Variants in ANO4 observed in about 807,000 individuals in gnomAD.
ANO4 encodes anoctamin-4.
Under a neutral mutation model 141.9 loss-of-function variants are expected in ANO4, and 69 were observed. The observed-to-expected ratio is 0.49, with a 90% confidence interval of 0.40 to 0.59. The LOEUF (loss-of-function observed/expected upper bound fraction) is 0.59. ANO4 is among the 20% of genes least tolerant of loss of function. The pLI is 0.00. For synonymous variants in ANO4, 350 were observed against 394.3 expected, an observed-to-expected ratio of 0.89 and a Z score of 1.33; for missense variants, 894 against 1,162.2, an observed-to-expected ratio of 0.77 and a Z score of 3.36.
intron 5 of ANO4, among the ~76,000 whole-genome samples, chr12:100,960,381 G>A (rs779902154): frequency 6.6e-6 from 1 of 152,036 alleles, no homozygotes; most frequent in Non-Finnish European, 1.5e-5. Flanking sequence ...AAAATCATAA[G>A]AGCCCCATTT....
intron 1 of ANO4, among the ~76,000 whole-genome samples, chr12:100,721,181 C>T (rs1753704211): frequency 6.6e-6 from 1 of 152,160 alleles, no homozygotes; most frequent in African/African-American, 2.4e-5. Flanking sequence ...CAAAACAACC[C>T]CCATCTTCCT....
intron 2 of ANO4, among the ~76,000 whole-genome samples, chr12:100,909,450 A>T (rs2041003007): frequency 6.6e-6 from 1 of 152,206 alleles, no homozygotes; most frequent in Non-Finnish European, 1.5e-5. Context: ...CTTCCCCAAA[A>T]GGAAATAGAG....
chr12:100,801,909 A>G (rs2034720779), intron 1 of ANO4, among the ~76,000 whole-genome samples: 1 of 152,188 alleles, frequency 6.6e-6, no homozygotes, highest in Admixed American at 6.5e-5. Flanking sequence ...TTTGTTTGGA[A>G]TCTCTTCTCA....
chr12:100,850,858 A>G (rs1023108553), intron 1 of ANO4, among the ~76,000 whole-genome samples: 3 of 152,130 alleles, frequency 2.0e-5, no homozygotes, highest in Non-Finnish European at 2.9e-5. Context: ...AGCATCCTGA[A>G]TTTTCAACTA....
At chr12:100,878,822 A>G (rs1230697202) in intron 1 of ANO4, among the ~76,000 whole-genome samples, 1 of 152,142 alleles carries the variant, frequency 6.6e-6, no homozygotes, top group African/African-American at 2.4e-5. Context: ...AAACATGGCA[A>G]ATTAACCACT....
At chr12:101,067,338 T>C (rs1327054221) in intron 14 of ANO4, among the ~76,000 whole-genome samples, 1 of 152,216 alleles carries the variant, frequency 6.6e-6, no homozygotes, top group East Asian at 1.9e-4. Context: ...TTCTTTCCAA[T>C]GTCAGTAGAA....
At chr12:100,862,570 C>T (rs2135895075) in intron 1 of ANO4, among the ~76,000 whole-genome samples, 1 of 152,304 alleles carries the variant, frequency 6.6e-6, no homozygotes, top group Middle Eastern at 3.4e-3. Flanking sequence ...GATTTGCCCA[C>T]CTCAGCCTCC....
intron 1 of ANO4, among the ~76,000 whole-genome samples, chr12:100,732,112 G>A (rs2031403562): frequency 6.6e-6 from 1 of 152,186 alleles, no homozygotes; most frequent in African/African-American, 2.4e-5. Context: ...ATACCAAGGG[G>A]TGTGATTGCT....
intron 1 of ANO4, among the ~76,000 whole-genome samples, chr12:100,859,974 T>C (rs2038386648): frequency 6.6e-6 from 1 of 152,232 alleles, no homozygotes; most frequent in African/African-American, 2.4e-5. Context: ...AAATTCTCTT[T>C]GTACAATCAC....
intron 8 of ANO4, among the ~76,000 whole-genome samples, chr12:101,007,591 G>T (rs1366765985): frequency 6.6e-6 from 1 of 152,062 alleles, no homozygotes; most frequent in African/African-American, 2.4e-5. Context: ...TTCTAACCCA[G>T]GTTTGTTTTT....
intron 7 of ANO4, among the ~76,000 whole-genome samples, chr12:100,976,328 G>A (rs76018262): frequency 0.029 from 4,380 of 152,268 alleles, 212 homozygotes; most frequent in African/African-American, 0.1. Flanking sequence ...GTGAAGTACA[G>A]TGTGAGAACT....
chr12:100,834,764 A>G (rs919654540), intron 1 of ANO4, among the ~76,000 whole-genome samples: 1 of 152,146 alleles, frequency 6.6e-6, no homozygotes, highest in East Asian at 1.9e-4. Context: ...GAAGTTTTAA[A>G]AAGTGATTGG....
chr12:100,991,513 T>TAAAAAAAAA (rs59975425), intron 8 of ANO4, among the ~76,000 whole-genome samples: 4 of 111,154 alleles, frequency 3.6e-5, no homozygotes, highest in Non-Finnish European at 5.3e-5. Context: ...ATGAAAATAG[T>TAAAAAAAAA]AAAAAAAAAA....
At chr12:100,934,942 G>C (rs1426334996) in intron 3 of ANO4, among the ~76,000 whole-genome samples, 3 of 152,184 alleles carry the variant, frequency 2.0e-5, no homozygotes, top group Admixed American at 6.5e-5. Context: ...CATTGATTTT[G>C]TATCCTGAGG....
intron 14 of ANO4, among the ~76,000 whole-genome samples, chr12:101,074,453 T>C (rs533207165): frequency 6.6e-6 from 1 of 152,352 alleles, no homozygotes; most frequent in Admixed American, 6.5e-5. Context: ...TCATATCACC[T>C]GTGCTCATAT....
chr12:100,898,325 A>G (rs1565984599), intron 1 of ANO4, among the ~76,000 whole-genome samples: 1 of 152,118 alleles, frequency 6.6e-6, no homozygotes, highest in Non-Finnish European at 1.5e-5. Context: ...CCCAGAGTAT[A>G]TTTTCTATCT....
chr12:101,064,857 T>A (rs1375425209), intron 14 of ANO4, among the ~76,000 whole-genome samples: 1 of 152,144 alleles, frequency 6.6e-6, no homozygotes, highest in Non-Finnish European at 1.5e-5. Flanking sequence ...AAATCTCACA[T>A]TGTCCTGCTC....
intron 14 of ANO4, chr12:101,066,712 C>A (rs965092805): frequency 4.0e-6 from 3 of 742,308 alleles, no homozygotes; most frequent in Non-Finnish European, 7.3e-6. Flanking sequence ...TCAGGTGGCA[C>A]CTGCTTGAGT....
intron 8 of ANO4, among the ~76,000 whole-genome samples, chr12:100,987,912 T>C (rs1449722701): frequency 6.6e-6 from 1 of 152,160 alleles, no homozygotes; most frequent in Non-Finnish European, 1.5e-5. Context: ...GTGTGTTGGG[T>C]AAATGATCTT....
Sources: allele counts gnomAD v4.1 joint callset (sites outside exome capture counted in the v4.1 genomes callset), GRCh38; gene constraint gnomAD v4.1.1; transcripts MANE v1.5; gene names NCBI Gene and HGNC (gene_info 2026-07-23, HGNC 2026-07-21).